Variants in SORCS2 observed in about 807,000 individuals in gnomAD.
SORCS2 encodes sortilin related VPS10 domain containing receptor 2.
Under a neutral mutation model 141.6 loss-of-function variants are expected in SORCS2, and 100 were observed. The ratio of observed to expected loss-of-function variants is 0.71; its 90% CI spans 0.60 to 0.83. The LOEUF is 0.83. Among genes scored for constraint, SORCS2 ranks in the 40% least tolerant of loss-of-function variants. SORCS2 has a pLI of 0.00. For synonymous variants in SORCS2, 789 were observed against 676.9 expected, an observed-to-expected ratio of 1.17 and a Z score of -2.57; for missense variants, 1,646 against 1,560.2, an observed-to-expected ratio of 1.05 and a Z score of -0.93.
At chr4:7,715,379 A>G (rs1355316363) in intron 17 of SORCS2, 68 bp downstream of exon 17, 2 of 1,583,364 alleles carry the variant, frequency 1.3e-6, no homozygotes, top group Non-Finnish European at 1.7e-6. Flanking sequence ...CCCCGAAACC[A>G]CGCCTTCCTG....
chr4:7,546,762 A>C (rs1713295398), intron 3 of SORCS2, among the ~76,000 whole-genome samples: 1 of 152,158 alleles, frequency 6.6e-6, no homozygotes, highest in African/African-American at 2.4e-5. Context: ...CCTGTTAAGC[A>C]AGAAGTGGGA....
intron 8 of SORCS2, among the ~76,000 whole-genome samples, chr4:7,674,535 T>C (rs528694971): frequency 1.7e-4 from 25 of 145,240 alleles, no homozygotes; most frequent in African/African-American, 2.6e-4. Flanking sequence ...GATTGCGCCA[T>C]TGCACTCCAG....
At chr4:7,317,770 A>G (rs1467057982) in intron 1 of SORCS2, among the ~76,000 whole-genome samples, 4 of 152,230 alleles carry the variant, frequency 2.6e-5, no homozygotes, top group Admixed American at 6.5e-5. Context: ...TCCCAGAAGT[A>G]CCATCTGAAG....
intron 1 of SORCS2, among the ~76,000 whole-genome samples, chr4:7,341,988 A>G (rs1351868403): frequency 6.6e-6 from 1 of 152,206 alleles, no homozygotes. Flanking sequence ...ACAAAGCACA[A>G]TATTTTCAAG....
At chr4:7,558,833 C>T (rs960701720) in intron 3 of SORCS2, among the ~76,000 whole-genome samples, 3 of 152,214 alleles carry the variant, frequency 2.0e-5, no homozygotes, top group Non-Finnish European at 4.4e-5. Flanking sequence ...GGCCTCTAGT[C>T]CACGGGCCTC....
chr4:7,220,283 C>T (rs1340985588), intron 1 of SORCS2, among the ~76,000 whole-genome samples: 4 of 151,982 alleles, frequency 2.6e-5, no homozygotes, highest in Admixed American at 6.6e-5. Flanking sequence ...GGGTGGGGGA[C>T]GGCCACCCTC....
chr4:7,737,355 CG>C, intron 26 of SORCS2, 183 bp downstream of exon 26: 1 of 781,806 alleles, frequency 1.3e-6, no homozygotes, highest in South Asian at 1.9e-5. Context: ...GAGGGGATGA[CG>C]GGACCTGACA....
At chr4:7,721,241 G>C (rs1394170832) in intron 18 of SORCS2, among the ~76,000 whole-genome samples, 1 of 152,180 alleles carries the variant, frequency 6.6e-6, no homozygotes, top group Non-Finnish European at 1.5e-5. Context: ...GAGGTGGGTG[G>C]ATCAGCTGAG....
chr4:7,644,834 A>C (rs1720969646), intron 4 of SORCS2, among the ~76,000 whole-genome samples: 2 of 152,202 alleles, frequency 1.3e-5, no homozygotes, highest in Non-Finnish European at 2.9e-5. Flanking sequence ...TGAGTGATGA[A>C]ATTCACCCTT....
chr4:7,192,581 T>C lies in SORCS2; in HGVS notation c.-66T>C. On this transcript the variant is annotated 5_prime_UTR_variant, in exon 1 of 27. Coordinates refer to ENST00000507866, the MANE Select transcript of SORCS2 (RefSeq NM_020777.3). The surrounding 1 kb of genome is among the most constrained non-coding windows in gnomAD (Gnocchi z 4.0). Reference sequence around the variant, plus strand: ...CTCGCGCTCCCCAGCGCCCTCCTGCTCTCCCGGCCGCGGTCCCCTCGTCCG... The same window carrying C: ...CTCGCGCTCCCCAGCGCCCTCCTGCCCTCCCGGCCGCGGTCCCCTCGTCCG... 4 of 985,734 alleles carry C rather than the reference T, an allele frequency of 4.1e-6. No homozygotes were observed. Among genetic ancestry groups the C allele is most frequent in the Non-Finnish European group, 4.8e-6 (4 of 830,494 alleles). 61.1% of individuals were successfully genotyped at this position (985,734 alleles called of 1,614,324 possible).
intron 1 of SORCS2, among the ~76,000 whole-genome samples, chr4:7,329,850 G>A (rs1719533285): frequency 6.6e-6 from 1 of 152,142 alleles, no homozygotes; most frequent in South Asian, 2.1e-4. Flanking sequence ...TGGTTAGGGG[G>A]AGTAAATGCA....
chr4:7,559,702 T>A (rs1021731869), intron 3 of SORCS2, among the ~76,000 whole-genome samples: 4 of 152,216 alleles, frequency 2.6e-5, no homozygotes, highest in African/African-American at 9.6e-5. Context: ...GGGCAAGTCC[T>A]CATCCCTCTC....
intron 4 of SORCS2, among the ~76,000 whole-genome samples, chr4:7,639,013 G>A (rs972190037): frequency 3.3e-5 from 5 of 152,194 alleles, no homozygotes; most frequent in African/African-American, 1.2e-4. Flanking sequence ...CCCCCGGTGA[G>A]TGGGGGAGCG....
intron 3 of SORCS2, among the ~76,000 whole-genome samples, chr4:7,603,282 C>G (rs750030540): frequency 6.7e-6 from 1 of 148,690 alleles, no homozygotes; most frequent in Non-Finnish European, 1.5e-5. Context: ...ACCTTTTCTC[C>G]CTGTTCCTTC....
At chr4:7,600,654 TATACACACACAC>T (rs1199160270) in intron 3 of SORCS2, among the ~76,000 whole-genome samples, 58 of 92,752 alleles carry the variant, frequency 6.3e-4, no homozygotes, top group African/African-American at 2.8e-3. Context: ...TACATATATA[TATACACACACAC>T]ACACACACAC....
chr4:7,661,448 G>A, intron 5 of SORCS2, 52 bp from the exon 6 acceptor site: 1 of 1,536,980 alleles, frequency 6.5e-7, no homozygotes, highest in Non-Finnish European at 8.8e-7. Flanking sequence ...GCAGCTGGGG[G>A]ACGGGCATGG....
intron 1 of SORCS2, among the ~76,000 whole-genome samples, chr4:7,200,526 T>A (rs567585630): frequency 4.6e-5 from 7 of 152,318 alleles, no homozygotes; most frequent in Non-Finnish European, 8.8e-5. Flanking sequence ...CGGACGTTGT[T>A]TATGCTTAGT....
At chr4:7,431,518 C>A (rs922593839) in intron 2 of SORCS2, 1 of 152,268 alleles carries the variant, frequency 6.6e-6, no homozygotes, top group Non-Finnish European at 1.5e-5. Flanking sequence ...GTGGGAACAC[C>A]TACCGGCAGG....
At chr4:7,517,805 T>C (rs1482058597) in intron 2 of SORCS2, among the ~76,000 whole-genome samples, 2 of 152,212 alleles carry the variant, frequency 1.3e-5, no homozygotes, top group South Asian at 2.1e-4. Context: ...ATGAAAATGT[T>C]GTTCACGAAG....
Sources: allele counts gnomAD v4.1 joint callset (sites outside exome capture counted in the v4.1 genomes callset), GRCh38; gene constraint gnomAD v4.1.1; non-coding constraint Gnocchi (gnomAD v3.1); transcripts MANE v1.5; gene names NCBI Gene and HGNC (gene_info 2026-07-23, HGNC 2026-07-21).